The following NCSTN variants were observed in gnomAD, a reference collection of about 807,000 sequenced individuals.
The protein encoded by NCSTN is nicastrin.
NCSTN carries 22 observed loss-of-function variants against 87.0 expected under a neutral mutation model. That is an observed-to-expected ratio of 0.25 (90% CI 0.18 to 0.36). The LOEUF is 0.36. Among genes scored for constraint, NCSTN ranks in the 10% least tolerant of loss-of-function variants. The pLI is 1.00. For synonymous variants in NCSTN, 306 were observed against 327.1 expected (o/e 0.94, Z 0.69); for missense variants, 693 against 883.3 (o/e 0.78, Z 2.73).
intron 1 of NCSTN, 114 bp from the exon 2 acceptor site, chr1:160,344,608 T>G: frequency 6.4e-7 from 1 of 1,556,122 alleles, no homozygotes; most frequent in Non-Finnish European, 8.7e-7. Context: ...TAATCTCATT[T>G]TAGAAAGTAT....
At chr1:160,356,828 A>G (rs1649154651) in intron 15 of NCSTN, 74 bp downstream of exon 15, 2 of 1,579,460 alleles carry the variant, frequency 1.3e-6, no homozygotes, top group Non-Finnish European at 1.7e-6. Context: ...TTCTAGACCT[A>G]GTTAGACCCA....
At chr1:160,345,182 G>A (rs1648400074) in intron 2 of NCSTN, 1 of 352,052 alleles carries the variant, frequency 2.8e-6, no homozygotes, top group South Asian at 2.5e-5. Flanking sequence ...GGTGGCCCGA[G>A]CACTAAGCTG....
Position 160,343,489 on chromosome 1 carries a change from C to T in NCSTN, c.85+8C>T, listed in dbSNP as rs1571193262. On this transcript the variant is annotated splice_region_variant and intron_variant, in intron 1 of 16. Coordinates refer to ENST00000294785, the MANE Select transcript of NCSTN (RefSeq NM_015331.3). ...TCTGCGTCCTACTAGCAGGTGAGGCCTCCCCGCCCGTGAGCTCCGTTCTCT... is the reference window on the plus strand; with the variant it reads ...TCTGCGTCCTACTAGCAGGTGAGGCTTCCCCGCCCGTGAGCTCCGTTCTCT... 1 of 1,601,990 alleles carries T rather than the reference C, an allele frequency of 6.2e-7. No homozygotes were observed. Among genetic ancestry groups the T allele is most frequent in the Non-Finnish European group, 8.5e-7 (1 of 1,175,270 alleles).
Position 160,351,250 on chromosome 1 carries a change from A to G in NCSTN, c.611A>G (p.Asn204Ser). Reference sequence around the variant, plus strand: ...TATCAAGATCACAACCTGAGTCAGAATGGCTCAGCACCAACCTTCCCACTA... The same window carrying G: ...TATCAAGATCACAACCTGAGTCAGAGTGGCTCAGCACCAACCTTCCCACTA... The part of the protein sequence containing the change: ...QCYQDHNLSQ[N>S]GSAPTFPLCA... Residue 204 changes from asparagine to serine, a missense_variant, in exon 6 of 17, where the codon AAT becomes AGT. Physicochemically the swap from Asn to Ser is conservative, Grantham distance 46. Around this residue, in one of 4 missense-constraint regions of NCSTN, gnomAD observed 134 missense variants for 226.0 expected, o/e 0.59. Transcript: ENST00000294785. The G allele has an allele frequency of 6.2e-7, 1 of 1,614,148 alleles. No homozygotes were observed. The highest frequency in any genetic ancestry group is 1.1e-5 in the South Asian group (1 of 91,070).
At chr1:160,350,374 G>A (rs1648768776) in intron 5 of NCSTN, 124 bp downstream of exon 5, 1 of 1,138,330 alleles carries the variant, frequency 8.8e-7, no homozygotes, top group Non-Finnish European at 1.3e-6. Context: ...ATCACTTGAG[G>A]CCGGGAGGCA....
rs1437416028 is a variant in NCSTN at position 160,353,219 on chromosome 1, T to A, written c.1161T>A (p.Asn387Lys). The A allele has an allele frequency of 1.9e-6, 3 of 1,614,118 alleles. No individual in the cohort carries two copies. Among genetic ancestry groups the A allele is most frequent in the Non-Finnish European group, 2.5e-6 (3 of 1,180,030 alleles). ...ACACAGATCCTGTTTCTCAGAAAAATGAGTCTGTACGGAACCAGGTAACCT... is the reference window on the plus strand; with the variant it reads ...ACACAGATCCTGTTTCTCAGAAAAAAGAGTCTGTACGGAACCAGGTAACCT... ...WMHTDPVSQK[N>K]ESVRNQVEDL... The change falls in exon 10 of 17, where the codon AAT (asparagine) becomes AAA (lysine). Residue 387 changes from asparagine to lysine, a missense_variant. Physicochemically the swap from Asn to Lys is moderately conservative, Grantham distance 94 (BLOSUM62 0). Around this residue, in one of 4 missense-constraint regions of NCSTN, gnomAD observed 108 missense variants for 111.6 expected, o/e 0.97. Transcript: ENST00000294785.
At chr1:160,349,415 T>G in intron 3 of NCSTN, 134 bp from the exon 4 acceptor site, 3 of 1,302,208 alleles carry the variant, frequency 2.3e-6, no homozygotes, top group African/African-American at 2.9e-5. Flanking sequence ...ACTCAGAATT[T>G]AGAGACTGAA....
At chr1:160,346,181 C>T (rs1168314471) in intron 2 of NCSTN, among the ~76,000 whole-genome samples, 2 of 152,136 alleles carry the variant, frequency 1.3e-5, no homozygotes, top group Non-Finnish European at 2.9e-5. Flanking sequence ...TTTTGTTTCC[C>T]ATGGACAATA....
rs900860789 is a variant in NCSTN, at chr1:160,358,346, A to G, written c.*75A>G. ...TCTGTCCCACTGGGACACAACCACT[A>G]ATTTGTCACTGGAACCTCCCTGGGC... On this transcript the variant is annotated 3_prime_UTR_variant, in exon 17 of 17. Coordinates refer to ENST00000294785, the MANE Select transcript of NCSTN (RefSeq NM_015331.3). 30 of 1,598,716 alleles carry G rather than the reference A, an allele frequency of 1.9e-5. No homozygotes were observed. Among genetic ancestry groups the G allele is most frequent in the Admixed American group, 1.7e-4 (10 of 59,908 alleles).
At position 160,354,368 on chromosome 1, in the gene NCSTN, C is replaced by G. The variant is rs1649028103; in HGVS notation, c.1352+78C>G. On this transcript the variant is annotated intron_variant, in intron 11 of 16. Coordinates refer to ENST00000294785, the MANE Select transcript of NCSTN (RefSeq NM_015331.3). ...GCAGTCTGGGAGGAAGGTCACTGCC[C>G]TCCGCTTTCCCACACTACCCCCTCC... 6 of 1,491,968 alleles carry G rather than the reference C, an allele frequency of 4.0e-6. 1 individual carries two copies. In the East Asian group the frequency reaches 1.4e-4, roughly 34 times the overall value. 92.4% of individuals were successfully genotyped at this position (1,491,968 alleles called of 1,614,324 possible).
At chr1:160,347,552 G>T (rs1374097911) in intron 2 of NCSTN, among the ~76,000 whole-genome samples, 1 of 152,160 alleles carries the variant, frequency 6.6e-6, no homozygotes, top group African/African-American at 2.4e-5. Context: ...TTAGAATCCA[G>T]GTTTTTTTCA....
rs1360823479 is a variant in NCSTN at position 160,357,201 on chromosome 1, G to A, written c.1955G>A (p.Arg652His). The A allele has an allele frequency of 2.5e-6, 4 of 1,614,120 alleles. No homozygotes were observed. The highest frequency in any genetic ancestry group is 3.4e-6 in the Non-Finnish European group (4 of 1,180,020). ...STEYSTWTES[R>H]WKDIRARIFL... The stretch of plus-strand genomic sequence containing the variant: ...GAATACTCTACATGGACTGAGAGCC[G>A]CTGGAAAGATATCCGTGCCCGGATA... The change falls in exon 16 of 17, where the codon CGC (arginine) becomes CAC (histidine). Residue 652 changes from arginine to histidine, a missense_variant. By Grantham distance (29) the Arg-to-His change is conservative. Around this residue, in one of 4 missense-constraint regions of NCSTN, gnomAD observed 216 missense variants for 311.7 expected, o/e 0.69. Coordinates refer to ENST00000294785, the MANE Select transcript of NCSTN (RefSeq NM_015331.3).
At chr1:160,356,186 G>A in intron 13 of NCSTN, 74 bp from the exon 14 acceptor site, 3 of 1,323,776 alleles carry the variant, frequency 2.3e-6, no homozygotes, top group Non-Finnish European at 2.2e-6. Context: ...CCATGACTGG[G>A]TCTCCACTGA....
intron 5 of NCSTN, 82 bp downstream of exon 5, chr1:160,350,332 G>A: frequency 6.5e-7 from 1 of 1,530,618 alleles, no homozygotes; most frequent in Middle Eastern, 2.0e-4. Context: ...TGTGCACGTA[G>A]TCCCAGCCAC....
In NCSTN at chr1:160,356,583, C is replaced by G; in HGVS notation, c.1640-17C>G. 1 of 1,614,178 alleles carries G rather than the reference C, an allele frequency of 6.2e-7. No homozygotes were observed. The highest frequency in any genetic ancestry group is 8.5e-7 in the Non-Finnish European group (1 of 1,180,026). On this transcript the variant is annotated splice_polypyrimidine_tract_variant and intron_variant, in intron 14 of 16. Transcript: ENST00000294785. Reference sequence around the variant, plus strand: ...ATCCACCCACCAAATCTTCCCTTCCCTTTGGTCTGCACTCAGGTGACGGGC... The same window carrying G: ...ATCCACCCACCAAATCTTCCCTTCCGTTTGGTCTGCACTCAGGTGACGGGC...
intron 8 of NCSTN, 140 bp from the exon 9 acceptor site, chr1:160,352,747 C>T: frequency 1.4e-6 from 1 of 733,240 alleles, no homozygotes; most frequent in South Asian, 1.5e-5. Flanking sequence ...AGCCGAAAGT[C>T]ACATGACTGT....
chr1:160,353,426 T>G, intron 10 of NCSTN, 189 bp downstream of exon 10: 1 of 1,483,406 alleles, frequency 6.7e-7, no homozygotes, highest in Non-Finnish European at 8.9e-7. Context: ...CTCAGTGACA[T>G]TCCATTGGTT....
rs867404939 is a variant in NCSTN at position 160,357,215 on chromosome 1, C to T, written c.1969C>T (p.Arg657Cys). ...TWTESRWKDI[R>C]ARIFLIASKE... Reference sequence around the variant, plus strand: ...GACTGAGAGCCGCTGGAAAGATATCCGTGCCCGGATATTTCTCATCGCCAG... The same window carrying T: ...GACTGAGAGCCGCTGGAAAGATATCTGTGCCCGGATATTTCTCATCGCCAG... The change falls in exon 16 of 17, where the codon CGT becomes TGT. Residue 657 changes from arginine (R) to cysteine (C), a missense_variant. Physicochemically the swap from Arg to Cys is radical, Grantham distance 180 (BLOSUM62 -3). This residue lies in a region of NCSTN where 216 missense variants were observed against 311.7 expected (regional missense o/e 0.69). Coordinates refer to ENST00000294785, the MANE Select transcript of NCSTN (RefSeq NM_015331.3). 1 of 1,613,962 alleles carries T rather than the reference C, an allele frequency of 6.2e-7. No homozygotes were observed. The highest frequency in any genetic ancestry group is 8.5e-7 in the Non-Finnish European group (1 of 1,180,018).
At chr1:160,349,733 T>TA (rs768041687) in intron 4 of NCSTN, 63 bp downstream of exon 4, 4 of 1,594,008 alleles carry the variant, frequency 2.5e-6, no homozygotes, top group Non-Finnish European at 3.4e-6. Context: ...GCTTCGGTCT[T>TA]ACGTCTTTGT....
Sources: gnomAD v4.1 joint callset for allele counts (sites outside exome capture counted in the v4.1 genomes callset) on GRCh38, gnomAD v4.1.1 for gene constraint, gnomAD v4.1.1 regional missense constraint, MANE v1.5 for transcripts, NCBI Gene and HGNC (gene_info 2026-07-23, HGNC 2026-07-21) for gene names.